MGAT4C: variants seen among roughly 807,000 people sequenced by gnomAD.
MGAT4C encodes MGAT4 family member C.
MGAT4C carries 19 observed loss-of-function variants against 40.1 expected under a neutral mutation model. The observed-to-expected ratio is 0.47, with a 90% CI of 0.33 to 0.70. The LOEUF (loss-of-function observed/expected upper bound fraction) is 0.70. Ranked by LOEUF, MGAT4C falls within the 30% of genes least tolerant of loss-of-function variation. MGAT4C has a pLI of 0.02. For missense variants in MGAT4C, 491 were observed against 563.2 expected, an observed-to-expected ratio of 0.87 and a Z score of 1.30; for synonymous variants, 181 against 187.1, an observed-to-expected ratio of 0.97 and a Z score of 0.27.
intron 1 of MGAT4C, among the ~76,000 whole-genome samples, chr12:86,087,805 C>A (rs1872152665): frequency 6.6e-6 from 1 of 151,614 alleles, no homozygotes; most frequent in Non-Finnish European, 1.5e-5. Context: ...TAATACTGCC[C>A]AAAGCAATTT....
chr12:86,216,510 T>C (rs1950677886), intron 1 of MGAT4C, among the ~76,000 whole-genome samples: 1 of 152,226 alleles, frequency 6.6e-6, no homozygotes, highest in Non-Finnish European at 1.5e-5. Flanking sequence ...TTATGTAGTA[T>C]TGTCCTTGGC....
chr12:86,000,232 C>A (rs1887148685), intron 2 of MGAT4C, among the ~76,000 whole-genome samples: 1 of 151,330 alleles, frequency 6.6e-6, no homozygotes, highest in African/African-American at 2.4e-5. Flanking sequence ...AAAAAGTAAA[C>A]AAAATAAAAA....
At chr12:86,608,786 A>G (rs1161217582) in intron 2 of MGAT4C, among the ~76,000 whole-genome samples, 2 of 152,148 alleles carry the variant, frequency 1.3e-5, no homozygotes, top group African/African-American at 4.8e-5. Flanking sequence ...TGAAATGTGC[A>G]TAAGATGTCT....
At chr12:86,348,483 C>G (rs1955088196) in intron 3 of MGAT4C, among the ~76,000 whole-genome samples, 1 of 151,742 alleles carries the variant, frequency 6.6e-6, no homozygotes, top group African/African-American at 2.4e-5. Flanking sequence ...TTGGATTTTG[C>G]TGAATTATAT....
rs889527458 is a variant in MGAT4C, at chr12:86,633,660, C to G, written c.-229+93549G>C. Among the ~76,000 whole-genome samples the G allele has an allele frequency of 5.3e-5, 8 of 152,066 alleles. No homozygotes were observed. In the East Asian group the frequency reaches 1.5e-3, roughly 29 times the overall value. ...GTAGAAAAATGTGCCAGTTCAGTTGCATTTAAAATATTTAATTTGATCCCT... is the reference window on the plus strand; with the variant it reads ...GTAGAAAAATGTGCCAGTTCAGTTGGATTTAAAATATTTAATTTGATCCCT... On this transcript the variant is annotated intron_variant, in intron 2 of 7. Transcript: ENST00000548651.
chr12:86,320,287 A>C (rs1954349008), intron 4 of MGAT4C, among the ~76,000 whole-genome samples: 1 of 152,190 alleles, frequency 6.6e-6, no homozygotes, highest in African/African-American at 2.4e-5. Flanking sequence ...GGAATGAATA[A>C]ACAATTTAAT....
chr12:86,143,922 C>T (rs1883185655), intron 1 of MGAT4C, among the ~76,000 whole-genome samples: 1 of 152,194 alleles, frequency 6.6e-6, no homozygotes, highest in African/African-American at 2.4e-5. Context: ...TTAGGTGCCT[C>T]ACTTTTATGG....
At chr12:86,829,172 C>T (rs374258621) in intron 1 of MGAT4C, among the ~76,000 whole-genome samples, 8 of 151,328 alleles carry the variant, frequency 5.3e-5, no homozygotes, top group East Asian at 3.9e-4. Context: ...ATATAATACA[C>T]AATAGTAGAT....
chr12:86,229,797 A>G (rs923162560), intron 1 of MGAT4C, among the ~76,000 whole-genome samples: 5 of 152,080 alleles, frequency 3.3e-5, no homozygotes, highest in African/African-American at 1.2e-4. Context: ...ATTATATGGT[A>G]GGAAACATTA....
At chr12:86,769,665 C>T (rs931610308) in intron 1 of MGAT4C, among the ~76,000 whole-genome samples, 19 of 152,016 alleles carry the variant, frequency 1.2e-4, no homozygotes, top group African/African-American at 4.6e-4. Context: ...CACATATACA[C>T]CATGGAATAC....
At chr12:86,263,152 A>T (rs1170428523) in intron 4 of MGAT4C, among the ~76,000 whole-genome samples, 2 of 152,112 alleles carry the variant, frequency 1.3e-5, no homozygotes, top group Non-Finnish European at 2.9e-5. Flanking sequence ...ATATGGGTCT[A>T]GATTGGAAGA....
chr12:86,605,878 G>A (rs1962025167), intron 2 of MGAT4C, among the ~76,000 whole-genome samples: 1 of 152,100 alleles, frequency 6.6e-6, no homozygotes, highest in Non-Finnish European at 1.5e-5. Context: ...ATAGGTAACT[G>A]TATTAGTCAG....
Position 86,130,888 on chromosome 12 carries a change from T to G in MGAT4C, c.-56-81165A>C, listed in dbSNP as rs75741043. Among the ~76,000 whole-genome samples the G allele has an allele frequency of 5.2e-3, 786 of 152,166 alleles. 4 individuals are homozygous for G. The highest frequency in any genetic ancestry group is 0.01 in the Middle Eastern group (3 of 294). On this transcript the variant is annotated intron_variant, in intron 1 of 4. Transcript: ENST00000611864. Reference sequence around the variant, plus strand: ...CAATACTACCTAACCATTATAATTATTTTTACTCTCACCACCATCACCATC... The same window carrying G: ...CAATACTACCTAACCATTATAATTAGTTTTACTCTCACCACCATCACCATC...
At chr12:86,145,612 G>A (rs761562966) in intron 1 of MGAT4C, among the ~76,000 whole-genome samples, 3 of 152,138 alleles carry the variant, frequency 2.0e-5, no homozygotes, top group Non-Finnish European at 4.4e-5. Context: ...GGATTCTCAT[G>A]TCAGGAAATT....
intron 1 of MGAT4C, among the ~76,000 whole-genome samples, chr12:86,739,532 A>G (rs1013522877): frequency 2.0e-5 from 3 of 146,344 alleles, no homozygotes; most frequent in African/African-American, 4.9e-5. Context: ...TATTTGGGGG[A>G]AAAAAAAAGG....
intron 3 of MGAT4C, among the ~76,000 whole-genome samples, chr12:86,351,338 A>T (rs1269509527): frequency 1.3e-5 from 2 of 152,054 alleles, no homozygotes; most frequent in African/African-American, 4.8e-5. Context: ...ATGGTAGTAG[A>T]GATATACATA....
In MGAT4C at chr12:86,324,617, AG is replaced by A. The variant is rs1010786399; in HGVS notation, c.-57+9447del. On this transcript the variant is annotated intron_variant, in intron 4 of 7. Coordinates refer to the MGAT4C transcript ENST00000548651. ...ATAAATAACATTAATTGTACCATTT[AG>A]AATATTCTAATTTTGTATTAGCAGG... Among the ~76,000 whole-genome samples the A allele has an allele frequency of 1.2e-3, 182 of 152,182 alleles. 1 individual carries two copies. Among genetic ancestry groups the A allele is most frequent in the African/African-American group, 4.0e-3 (166 of 41,576 alleles).
chr12:86,480,968 T>C (rs968447465), intron 2 of MGAT4C, among the ~76,000 whole-genome samples: 1 of 151,856 alleles, frequency 6.6e-6, no homozygotes, highest in Non-Finnish European at 1.5e-5. Flanking sequence ...AAACTACCCA[T>C]ATATTATTGT....
intron 3 of MGAT4C, among the ~76,000 whole-genome samples, chr12:86,339,404 A>G (rs1954861223): frequency 6.6e-6 from 1 of 152,208 alleles, no homozygotes; most frequent in African/African-American, 2.4e-5. Context: ...ATATCAGAGT[A>G]GCTTCAATTA....
Sources: allele counts gnomAD v4.1 joint callset (sites outside exome capture counted in the v4.1 genomes callset), GRCh38; gene constraint gnomAD v4.1.1; transcripts MANE v1.5; gene names NCBI Gene and HGNC (gene_info 2026-07-23, HGNC 2026-07-21).